NCF4: variants seen among roughly 807,000 people sequenced by gnomAD.
NCF4 encodes the protein neutrophil cytosol factor 4.
In NCF4, 30 loss-of-function variants were observed where a neutral mutation model predicts 41.7. That is an observed-to-expected ratio of 0.72 (90% CI 0.54 to 0.97). NCF4 has a LOEUF of 0.97. Ranked by LOEUF, NCF4 falls within the 50% of genes least tolerant of loss-of-function variation. NCF4 has a pLI of 0.00. For missense variants in NCF4, 432 were observed against 460.9 expected, an observed-to-expected ratio of 0.94 and a Z score of 0.57; for synonymous variants, 195 against 175.8, an observed-to-expected ratio of 1.11 and a Z score of -0.87.
chr22:36,867,581 C>T (rs1439811597), intron 4 of NCF4, 119 bp downstream of exon 4: 2 of 1,066,426 alleles, frequency 1.9e-6, no homozygotes, highest in African/African-American at 3.1e-5. Flanking sequence ...GCTCTGATGG[C>T]CCCATCTTCA....
In NCF4 at chr22:36,876,110, T is replaced by C. The variant is rs1188788387; in HGVS notation, c.824+16T>C. The C allele has an allele frequency of 1.3e-6, 2 of 1,594,062 alleles. No homozygotes were observed. Among genetic ancestry groups the C allele is most frequent in the South Asian group, 1.1e-5 (1 of 88,216 alleles). ...AGCTCACAAGGTGAGGGGCTGGGAA[T>C]GGGGCTGGGGAGTTAGATACTCTGG... is the stretch of plus-strand genomic sequence containing the variant. On this transcript the variant is annotated intron_variant, in intron 9 of 9. Coordinates refer to ENST00000248899, the MANE Select transcript of NCF4 (RefSeq NM_000631.5).
In NCF4 at chr22:36,865,214, G is replaced by C; in HGVS notation, c.271+142G>C. ...ATAGCCCCCACTCCCGGCAGTTACA[G>C]GCTGCCAAGCCCTCCCTGCATGGCT... On this transcript the variant is annotated intron_variant, in intron 3 of 9. Coordinates refer to ENST00000248899, the MANE Select transcript of NCF4 (RefSeq NM_000631.5). The surrounding 1 kb of genome is among the most constrained non-coding windows in gnomAD (Gnocchi z 4.3). The C allele has an allele frequency of 3.1e-6, 4 of 1,289,964 alleles. No homozygotes were observed. Among genetic ancestry groups the C allele is most frequent in the Non-Finnish European group, 4.3e-6 (4 of 929,060 alleles). 79.9% of individuals were successfully genotyped at this position (1,289,964 alleles called of 1,614,324 possible).
intron 1 of NCF4, among the ~76,000 whole-genome samples, chr22:36,862,073 C>G (rs1939786983): frequency 6.6e-6 from 1 of 152,208 alleles, no homozygotes; most frequent in Admixed American, 6.5e-5. Flanking sequence ...GCTTGGGAAG[C>G]ATTTTCAGAA....
In NCF4 at chr22:36,867,466, C is replaced by G. The variant is rs777266078; in HGVS notation, c.342+4C>G. The G allele has an allele frequency of 2.5e-6, 4 of 1,614,112 alleles. No homozygotes were observed. In the Admixed American group the frequency reaches 6.7e-5, roughly 27 times the overall value. On this transcript the variant is annotated splice_donor_region_variant and intron_variant, in intron 4 of 9. Transcript: ENST00000248899. ...TGCCCTCAACGCCTACATGAAGGTA[C>G]CAGTGGGCCTTGCCACCTTGGCACG... is the stretch of plus-strand genomic sequence containing the variant.
At position 36,861,030 on chromosome 22, in the gene NCF4, C is replaced by T; in HGVS notation, c.-142C>T. 9.0e-7 allele frequency: 1 copy of T among 1,115,164 alleles called. No individual in the cohort carries two copies. Among genetic ancestry groups the T allele is most frequent in the Non-Finnish European group, 1.3e-6 (1 of 750,918 alleles). 69.1% of individuals were successfully genotyped at this position (1,115,164 alleles called of 1,614,324 possible). On this transcript the variant is annotated 5_prime_UTR_variant, in exon 1 of 10. Coordinates refer to ENST00000248899, the MANE Select transcript of NCF4 (RefSeq NM_000631.5). ...CAGACTGGAGAGAAGCAGGCCTGAG[C>T]CTCCCCAAAGGCAGCTCCTGGGGAC...
rs778243718 is a variant in NCF4, at chr22:36,877,613, A to T, written c.825-15A>T. The T allele has an allele frequency of 1.2e-6, 2 of 1,613,948 alleles. No individual in the cohort carries two copies. The highest frequency in any genetic ancestry group is 1.7e-6 in the Non-Finnish European group (2 of 1,179,948). ...CGCTTAGGCCCTTTGATTATCCCTG[A>T]CTTTTCCCATGCAGGCGGGAGTTCC... On this transcript the variant is annotated splice_polypyrimidine_tract_variant and intron_variant, in intron 9 of 9. Transcript: ENST00000248899.
intron 4 of NCF4, among the ~76,000 whole-genome samples, chr22:36,869,752 C>T (rs886303831): frequency 6.6e-6 from 1 of 152,210 alleles, no homozygotes; most frequent in Non-Finnish European, 1.5e-5. Context: ...CACTAGGGCT[C>T]AAGTCCGGGC....
At chr22:36,875,154 C>T (rs1314123900) in intron 7 of NCF4, among the ~76,000 whole-genome samples, 1 of 152,134 alleles carries the variant, frequency 6.6e-6, no homozygotes, top group African/African-American at 2.4e-5. Context: ...TTCCGCCTCC[C>T]GAGTAGCTGG....
At chr22:36,867,353 T>G (rs1939952036) in intron 3 of NCF4, 39 bp from the exon 4 acceptor site, 1 of 1,612,530 alleles carries the variant, frequency 6.2e-7, no homozygotes, top group Non-Finnish European at 8.5e-7. Flanking sequence ...GGGGCCATGT[T>G]GGGCCAGGCT....
At chr22:36,866,581 C>A (rs1194412538) in intron 3 of NCF4, among the ~76,000 whole-genome samples, 1 of 152,098 alleles carries the variant, frequency 6.6e-6, no homozygotes, top group Non-Finnish European at 1.5e-5. Context: ...CGTTTTTGCT[C>A]CTAACTCCCA....
At position 36,872,332 on chromosome 22, in the gene NCF4, A is replaced by T; in HGVS notation, c.534A>T (p.Leu178=). 1.9e-6 allele frequency: 3 copies of T among 1,605,034 alleles called. No homozygotes were observed. The highest frequency in any genetic ancestry group is 2.6e-6 in the Non-Finnish European group (3 of 1,171,658). Residue 178 remains leucine, a synonymous_variant, in exon 7 of 10, where the codon CTA becomes CTT. Coordinates refer to ENST00000248899, the MANE Select transcript of NCF4 (RefSeq NM_000631.5). ...TACTGCACGCTTCTCCTCAGGCTCT[A>T]TTTGACTTCACTGGAAACAGCAAAC... is the stretch of plus-strand genomic sequence containing the variant. ...DRMAAPRAEA[L]FDFTGNSKLE...
intron 1 of NCF4, among the ~76,000 whole-genome samples, chr22:36,862,245 C>T (rs1005191741): frequency 1.7e-4 from 26 of 152,154 alleles, no homozygotes; most frequent in Non-Finnish European, 2.9e-4. Flanking sequence ...TGTGTGCCTA[C>T]GCGGGGAACA....
chr22:36,867,373 GCT>G lies in NCF4; in HGVS notation c.272-16_272-15del. On this transcript the variant is annotated splice_polypyrimidine_tract_variant and intron_variant, in intron 3 of 9. Coordinates refer to ENST00000248899, the MANE Select transcript of NCF4 (RefSeq NM_000631.5). ...CATGTTGGGCCAGGCTCCTAGGACA[GCT>G]CTTTGTCTCTTCTCAGCCAAAGTCT... 6.2e-7 allele frequency: 1 copy of G among 1,614,118 alleles called. No individual in the cohort carries two copies. Among genetic ancestry groups the G allele is most frequent in the East Asian group, 2.2e-5 (1 of 44,870 alleles).
At chr22:36,869,561 A>T (rs1474047688) in intron 4 of NCF4, among the ~76,000 whole-genome samples, 2 of 152,026 alleles carry the variant, frequency 1.3e-5, no homozygotes, top group Non-Finnish European at 2.9e-5. Flanking sequence ...CCCCCATGGG[A>T]TCCTCTGCAG....
rs766188481 is a variant in NCF4 at position 36,872,438 on chromosome 22, G to A, written c.627+13G>A. On this transcript the variant is annotated intron_variant, in intron 7 of 9. Coordinates refer to ENST00000248899, the MANE Select transcript of NCF4 (RefSeq NM_000631.5). ...AGACTGGCTGGAGGTGAGTTCAGAA[G>A]TGAGGATGGAGGTGAGATTGAAGGT... 1.9e-6 allele frequency: 3 copies of A among 1,565,478 alleles called. No individual in the cohort carries two copies. The highest frequency in any genetic ancestry group is 2.7e-5 in the African/African-American group (2 of 73,688).
intron 2 of NCF4, 81 bp downstream of exon 2, chr22:36,864,210 T>G: frequency 8.5e-7 from 1 of 1,178,492 alleles, no homozygotes; most frequent in South Asian, 1.2e-5. Flanking sequence ...CTCTGACCTC[T>G]GAACCTCCAA....
chr22:36,870,503 C>T lies in NCF4; in HGVS notation c.431C>T (p.Pro144Leu), dbSNP rs1940029122. 1 of 1,613,576 alleles carries T rather than the reference C, an allele frequency of 6.2e-7. No homozygotes were observed. The highest frequency in any genetic ancestry group is 1.3e-5 in the African/African-American group (1 of 74,904). Residue 144 changes from proline to leucine, a missense_variant, in exon 5 of 10, where the codon CCC becomes CTC. Physicochemically the swap from Pro to Leu is moderately conservative, Grantham distance 98. Transcript: ENST00000248899. Reference protein sequence around the residue: ...YQSPYDSEQVPQALRRLRPRT... With the variant: ...YQSPYDSEQVLQALRRLRPRT... ...TCGCCCTATGACTCAGAGCAGGTGC[C>T]CCAGGCACTCCGCCGGCTCCGCCCG...
At chr22:36,866,593 T>C (rs1438895901) in intron 3 of NCF4, among the ~76,000 whole-genome samples, 1 of 152,256 alleles carries the variant, frequency 6.6e-6, no homozygotes, top group South Asian at 2.1e-4. Flanking sequence ...TAACTCCCAA[T>C]GTCTAGCTCT....
Position 36,875,675 on chromosome 22 carries a change from G to A in NCF4, c.650G>A (p.Gly217Asp). The A allele has an allele frequency of 1.2e-6, 2 of 1,612,434 alleles. No individual in the cohort carries two copies. The highest frequency in any genetic ancestry group is 2.2e-5 in the East Asian group (1 of 44,876). The change falls in exon 8 of 10, where the codon GGC becomes GAC. Residue 217 changes from glycine (G) to aspartate (D), a missense_variant. By Grantham distance (94) the Gly-to-Asp change is moderately conservative. Coordinates refer to ENST00000248899, the MANE Select transcript of NCF4 (RefSeq NM_000631.5). ...WLEGTVRGAT[G>D]IFPLSFVKIL... The stretch of plus-strand genomic sequence containing the variant: ...CAGGGCACTGTCCGGGGAGCCACGG[G>A]CATCTTCCCTCTCTCCTTCGTGAAG...
Sources: allele counts gnomAD v4.1 joint callset (sites outside exome capture counted in the v4.1 genomes callset), GRCh38; gene constraint gnomAD v4.1.1; non-coding constraint Gnocchi (gnomAD v3.1); transcripts MANE v1.5; gene names NCBI Gene and HGNC (gene_info 2026-07-23, HGNC 2026-07-21).